Variants in TYW1 observed in about 807,000 individuals in gnomAD.
The protein encoded by TYW1 is tRNA-yW synthesizing protein 1 homolog.
A neutral mutation model predicts 96.2 loss-of-function variants in TYW1; 46 were observed. The observed-to-expected ratio is 0.48, with a 90% confidence interval of 0.38 to 0.61. TYW1 has a LOEUF of 0.61. Among genes scored for constraint, TYW1 ranks in the 20% least tolerant of loss-of-function variants. TYW1 has a pLI of 0.00. For synonymous variants in TYW1, 274 were observed against 323.0 expected, an observed-to-expected ratio of 0.85 and a Z score of 1.63; for missense variants, 684 against 909.6, an observed-to-expected ratio of 0.75 and a Z score of 3.19.
rs756148035 is a variant in TYW1 at position 67,009,571 on chromosome 7, T to C, written c.274-12T>C. 17 of 1,607,418 alleles carry C rather than the reference T, an allele frequency of 1.1e-5. No homozygotes were observed. The African/African-American group carries it at 1.9e-4, about 18-fold the overall frequency. ...TGAAGACTTTATTTGATGTTTTTTTTGGTCCTATTAGGGATTCGCAACAGT... is the reference window on the plus strand; with the variant it reads ...TGAAGACTTTATTTGATGTTTTTTTCGGTCCTATTAGGGATTCGCAACAGT... On this transcript the variant is annotated splice_polypyrimidine_tract_variant and intron_variant, in intron 3 of 15. Transcript: ENST00000359626.
chr7:67,009,795 T>G, intron 4 of TYW1, 111 bp downstream of exon 4: 1 of 991,508 alleles, frequency 1.0e-6, no homozygotes, highest in Non-Finnish European at 1.5e-6. Flanking sequence ...TTAATTTTCG[T>G]GCTAAGGGAT....
chr7:67,213,391 T>G (rs768914452), intron 15 of TYW1, among the ~76,000 whole-genome samples: 7 of 152,208 alleles, frequency 4.6e-5, no homozygotes, highest in Non-Finnish European at 8.8e-5. Context: ...GGTTATTTTC[T>G]TATGGCTGAG....
intron 13 of TYW1, among the ~76,000 whole-genome samples, chr7:67,128,405 C>CT (rs1344369132): frequency 2.0e-5 from 3 of 152,176 alleles, no homozygotes; most frequent in Admixed American, 2.0e-4. Context: ...ATTTCGATCT[C>CT]TGTTTACATT....
intron 15 of TYW1, among the ~76,000 whole-genome samples, chr7:67,199,136 G>T (rs1800503229): frequency 6.6e-6 from 1 of 152,002 alleles, no homozygotes; most frequent in Non-Finnish European, 1.5e-5. Flanking sequence ...GGTCAAGGCT[G>T]CAGTGACCCG....
chr7:67,013,257 GA>G (rs1793879763), intron 4 of TYW1, among the ~76,000 whole-genome samples: 1 of 152,002 alleles, frequency 6.6e-6, no homozygotes, highest in Admixed American at 6.6e-5. Flanking sequence ...CGAGTAGCTG[GA>G]ACTACAGGCA....
chr7:67,040,392 C>T (rs934696978), intron 7 of TYW1, among the ~76,000 whole-genome samples: 2 of 151,958 alleles, frequency 1.3e-5, no homozygotes, highest in Admixed American at 6.6e-5. Flanking sequence ...TACATTTACA[C>T]ATTCCCCATA....
intron 9 of TYW1, among the ~76,000 whole-genome samples, chr7:67,064,654 A>G (rs544524058): frequency 5.3e-5 from 8 of 152,314 alleles, no homozygotes; most frequent in African/African-American, 1.4e-4. Context: ...CTTATTCACT[A>G]TCACAAGAAT....
chr7:67,145,764 G>GTT (rs200905081), intron 13 of TYW1, among the ~76,000 whole-genome samples: 2 of 151,602 alleles, frequency 1.3e-5, no homozygotes, highest in Admixed American at 6.6e-5. Flanking sequence ...GTTTGTTTGG[G>GTT]GTTTTTTTGA....
chr7:67,198,520 C>T (rs994437147), intron 15 of TYW1, among the ~76,000 whole-genome samples: 2 of 150,842 alleles, frequency 1.3e-5, no homozygotes, highest in Non-Finnish European at 3.0e-5. Flanking sequence ...GACTGCACTC[C>T]AGCCTGGGCG....
intron 13 of TYW1, 148 bp downstream of exon 13, chr7:67,117,766 T>C: frequency 8.2e-7 from 1 of 1,222,634 alleles, no homozygotes; most frequent in East Asian, 2.8e-5. Context: ...CTTTCAACTT[T>C]TTAGAGACTT....
Position 67,238,946 on chromosome 7 carries a change from T to C in TYW1, c.*417T>C. On this transcript the variant is annotated 3_prime_UTR_variant, in exon 16 of 16. Coordinates refer to ENST00000359626, the MANE Select transcript of TYW1 (RefSeq NM_018264.4). ...ATGGAGCAGCCACTTAGCATTGAATTGCACTACCCTGAGCTAAACGTGTCT... is the reference window on the plus strand; with the variant it reads ...ATGGAGCAGCCACTTAGCATTGAATCGCACTACCCTGAGCTAAACGTGTCT... The C allele has an allele frequency of 9.7e-7, 1 of 1,031,742 alleles. No individual in the cohort carries two copies. Among genetic ancestry groups the C allele is most frequent in the Non-Finnish European group, 1.2e-6 (1 of 855,786 alleles). The allele number at this position is 1,031,742 out of a possible 1,614,324, so 63.9% of individuals were successfully genotyped here.
intron 7 of TYW1, among the ~76,000 whole-genome samples, chr7:67,027,340 G>A (rs1475673574): frequency 6.6e-6 from 1 of 151,952 alleles, no homozygotes; most frequent in Admixed American, 6.6e-5. Context: ...ATAACCTGGA[G>A]AAAGCTTTTC....
intron 15 of TYW1, among the ~76,000 whole-genome samples, chr7:67,205,402 T>C (rs13239441): frequency 0.15 from 22,961 of 149,880 alleles, 1,762 homozygotes; most frequent in African/African-American, 0.21. Context: ...GGGGGCCTTA[T>C]TGCTGCTGGG....
chr7:67,064,450 G>A (rs181954856), intron 9 of TYW1, among the ~76,000 whole-genome samples: 127 of 152,270 alleles, frequency 8.3e-4, no homozygotes, highest in African/African-American at 2.9e-3. Context: ...GTATTAGTCC[G>A]TTTTCATGCT....
intron 13 of TYW1, among the ~76,000 whole-genome samples, chr7:67,149,859 C>T (rs979538072): frequency 1.3e-5 from 2 of 151,852 alleles, no homozygotes; most frequent in Non-Finnish European, 2.9e-5. Flanking sequence ...GTGGGGAGAC[C>T]CCGACCTGGT....
intron 15 of TYW1, among the ~76,000 whole-genome samples, chr7:67,220,425 G>A (rs1315023244): frequency 1.3e-5 from 2 of 151,896 alleles, no homozygotes; most frequent in African/African-American, 2.4e-5. Flanking sequence ...GGATAGTCTC[G>A]ATCTCCTGAC....
intron 5 of TYW1, among the ~76,000 whole-genome samples, chr7:67,015,788 C>T (rs1403548813): frequency 6.6e-6 from 1 of 151,890 alleles, no homozygotes; most frequent in African/African-American, 2.4e-5. Flanking sequence ...TGCTGAAGCC[C>T]CGTCTCTGCT....
intron 13 of TYW1, among the ~76,000 whole-genome samples, chr7:67,139,729 GT>G (rs1300383700): frequency 1.5e-3 from 11 of 7,134 alleles, no homozygotes; most frequent in African/African-American, 3.2e-3. Context: ...GTGTATACAG[GT>G]GTGTGTGTGT....
intron 7 of TYW1, among the ~76,000 whole-genome samples, chr7:67,029,556 G>A (rs2129249786): frequency 6.6e-6 from 1 of 151,862 alleles, no homozygotes; most frequent in Non-Finnish European, 1.5e-5. Context: ...GTTAGTGTCT[G>A]ACTGGACAGG....
Sources: gnomAD v4.1 joint callset for allele counts (sites outside exome capture counted in the v4.1 genomes callset) on GRCh38, gnomAD v4.1.1 for gene constraint, MANE v1.5 for transcripts, NCBI Gene and HGNC (gene_info 2026-07-23, HGNC 2026-07-21) for gene names.